The following PARD3B variants were observed in gnomAD, a reference collection of about 807,000 sequenced individuals.
The protein encoded by PARD3B is par-3 family cell polarity regulator beta.
PARD3B carries 103 observed loss-of-function variants against 130.2 expected under a neutral mutation model. That is an observed-to-expected ratio of 0.79 (90% CI 0.67 to 0.93). PARD3B has a LOEUF of 0.93. Ranked by LOEUF, PARD3B falls within the 40% of genes least tolerant of loss-of-function variation. PARD3B has a pLI of 0.00. For missense variants in PARD3B, 1,609 were observed against 1,499.2 expected (o/e 1.07, Z -1.21); for synonymous variants, 583 against 553.2 (o/e 1.05, Z -0.76).
At chr2:204,996,971 C>T (rs950063799) in intron 3 of PARD3B, among the ~76,000 whole-genome samples, 2 of 152,076 alleles carry the variant, frequency 1.3e-5, no homozygotes, top group Non-Finnish European at 2.9e-5. Context: ...CTGGCCTGCG[C>T]CCACTGTCTG....
intron 21 of PARD3B, among the ~76,000 whole-genome samples, chr2:205,519,631 T>G (rs562521248): frequency 6.6e-6 from 1 of 152,318 alleles, no homozygotes; most frequent in South Asian, 2.1e-4. Flanking sequence ...CTGATGAGGT[T>G]GTTTGGAGGA....
At chr2:205,065,827 T>C (rs1164947306) in intron 4 of PARD3B, among the ~76,000 whole-genome samples, 1 of 151,908 alleles carries the variant, frequency 6.6e-6, no homozygotes, top group Non-Finnish European at 1.5e-5. Context: ...AGCCAGGCCA[T>C]GCCCATGAAC....
chr2:205,188,332 T>C (rs1367091265), intron 14 of PARD3B, among the ~76,000 whole-genome samples: 1 of 152,102 alleles, frequency 6.6e-6, no homozygotes, highest in Non-Finnish European at 1.5e-5. Flanking sequence ...CAGGGAAGAA[T>C]CAATGGGAAG....
At chr2:204,899,815 C>A (rs1680093676) in intron 2 of PARD3B, among the ~76,000 whole-genome samples, 1 of 152,054 alleles carries the variant, frequency 6.6e-6, no homozygotes, top group African/African-American at 2.4e-5. Context: ...TGATGAAATT[C>A]CTCAGTTTTT....
intron 22 of PARD3B, among the ~76,000 whole-genome samples, chr2:205,588,381 C>A (rs1049664661): frequency 1.3e-5 from 2 of 152,198 alleles, no homozygotes; most frequent in African/African-American, 4.8e-5. Context: ...ATTCTTTCCA[C>A]AGCACACTTT....
In PARD3B at chr2:204,885,118, C is replaced by T. The variant is rs570080737; in HGVS notation, c.223-80034C>T. Among the ~76,000 whole-genome samples the T allele has an allele frequency of 4.6e-5, 7 of 152,288 alleles. No homozygotes were observed. In the South Asian group the frequency reaches 1.5e-3, roughly 32 times the overall value. ...CAATGGCGTAAAAACATTCCTTTTGCTCTGCAACCTTGCCAGCATCTGTTG... is the reference window on the plus strand; with the variant it reads ...CAATGGCGTAAAAACATTCCTTTTGTTCTGCAACCTTGCCAGCATCTGTTG... On this transcript the variant is annotated intron_variant, in intron 2 of 22. Coordinates refer to ENST00000406610, the MANE Select transcript of PARD3B (RefSeq NM_001302769.2).
chr2:205,012,801 A>G (rs563793119), intron 3 of PARD3B, among the ~76,000 whole-genome samples: 19 of 152,362 alleles, frequency 1.2e-4, no homozygotes, highest in Non-Finnish European at 2.6e-4. Context: ...GCTATAAACA[A>G]GTTGGAAGTA....
chr2:205,244,835 A>G lies in PARD3B; in HGVS notation c.2141-943A>G, dbSNP rs1251474844. Among the ~76,000 whole-genome samples, 2 of 152,184 alleles carry G rather than the reference A, an allele frequency of 1.3e-5. No homozygotes were observed. Among genetic ancestry groups the G allele is most frequent in the African/African-American group, 4.8e-5 (2 of 41,444 alleles). On this transcript the variant is annotated intron_variant, in intron 15 of 22. Coordinates refer to ENST00000406610, the MANE Select transcript of PARD3B (RefSeq NM_001302769.2). The surrounding 1 kb of genome is among the most constrained non-coding windows in gnomAD (Gnocchi z 4.7). ...CTGTTGAGGCAAGACCCTTCTTCAC[A>G]TTCAAATGGATGCCCTTCAGTTATG...
rs577204140 is a variant in PARD3B, at chr2:204,887,810, C to T, written c.223-77342C>T. 1.8e-4 allele frequency among the ~76,000 whole-genome samples: 27 copies of T among 152,250 alleles called. No individual in the cohort carries two copies. The highest frequency in any genetic ancestry group is 5.8e-4 in the East Asian group (3 of 5,172). On this transcript the variant is annotated intron_variant, in intron 2 of 22. Coordinates refer to ENST00000406610, the MANE Select transcript of PARD3B (RefSeq NM_001302769.2). This position sits in a 1 kb window ranked among gnomAD's most constrained non-coding sequence, Gnocchi z 4.2. ...ACAAGGCAACCCTACCAGAGGCATACGACCAGACAGTGCATGGTGCAATGC... is the reference window on the plus strand; with the variant it reads ...ACAAGGCAACCCTACCAGAGGCATATGACCAGACAGTGCATGGTGCAATGC...
At chr2:204,847,259 T>C (rs1327730785) in intron 2 of PARD3B, among the ~76,000 whole-genome samples, 1 of 150,966 alleles carries the variant, frequency 6.6e-6, no homozygotes, top group Non-Finnish European at 1.5e-5. Context: ...TATAGAACAG[T>C]GGTTTTCAAA....
chr2:205,103,974 G>C (rs972336537), intron 4 of PARD3B, among the ~76,000 whole-genome samples: 5 of 152,134 alleles, frequency 3.3e-5, no homozygotes, highest in African/African-American at 1.2e-4. Flanking sequence ...GCCTGACTTT[G>C]ACAGAGGTGA....
At chr2:205,538,369 A>G (rs902647550) in intron 21 of PARD3B, among the ~76,000 whole-genome samples, 2 of 152,220 alleles carry the variant, frequency 1.3e-5, no homozygotes, top group Non-Finnish European at 2.9e-5. Context: ...GATGAGGATG[A>G]CAATGATGAC....
intron 2 of PARD3B, among the ~76,000 whole-genome samples, chr2:204,751,121 G>A (rs888642813): frequency 3.9e-5 from 6 of 151,904 alleles, no homozygotes; most frequent in African/African-American, 1.5e-4. Flanking sequence ...ATAATGAAAG[G>A]AATTGATGCT....
At chr2:204,862,639 G>A (rs1028022946) in intron 2 of PARD3B, among the ~76,000 whole-genome samples, 5 of 151,670 alleles carry the variant, frequency 3.3e-5, no homozygotes, top group African/African-American at 7.3e-5. Flanking sequence ...TTTCTTTTTT[G>A]TTCTGTCCCC....
intron 1 of PARD3B, among the ~76,000 whole-genome samples, chr2:204,596,341 TTTCCTATTTTG>T (rs1387424775): frequency 6.6e-6 from 1 of 152,322 alleles, no homozygotes; most frequent in East Asian, 1.9e-4. Context: ...TTCATATTTT[TTTCCTATTTTG>T]TTCCTATTTG....
intron 1 of PARD3B, among the ~76,000 whole-genome samples, chr2:204,621,115 G>A (rs1194659749): frequency 6.6e-6 from 1 of 152,110 alleles, no homozygotes; most frequent in Non-Finnish European, 1.5e-5. Flanking sequence ...CACACACTAG[G>A]TATTCAATAA....
At chr2:205,040,129 A>G (rs531167941) in intron 3 of PARD3B, among the ~76,000 whole-genome samples, 31 of 151,812 alleles carry the variant, frequency 2.0e-4, no homozygotes, top group Admixed American at 7.2e-4. Flanking sequence ...ATGCCCAGCT[A>G]ATTTTTATGT....
chr2:205,354,109 G>A (rs1014088684), intron 18 of PARD3B, among the ~76,000 whole-genome samples: 2 of 145,170 alleles, frequency 1.4e-5, no homozygotes, highest in African/African-American at 5.1e-5. Context: ...CATGAACGTG[G>A]CTCACTGCAG....
chr2:205,350,951 CTAAT>C (rs2043975535), intron 18 of PARD3B, among the ~76,000 whole-genome samples: 2 of 152,192 alleles, frequency 1.3e-5, no homozygotes, highest in African/African-American at 2.4e-5. Flanking sequence ...ATGCTAAAAA[CTAAT>C]TATTTTATAA....
Sources: gnomAD v4.1 joint callset for allele counts (sites outside exome capture counted in the v4.1 genomes callset) on GRCh38, gnomAD v4.1.1 for gene constraint, Gnocchi (gnomAD v3.1) non-coding constraint, MANE v1.5 for transcripts, NCBI Gene and HGNC (gene_info 2026-07-23, HGNC 2026-07-21) for gene names.